The following CCDC102B variants were observed in gnomAD, a reference collection of about 807,000 sequenced individuals.
CCDC102B encodes the protein coiled-coil domain-containing protein 102B.
A neutral mutation model predicts 57.4 loss-of-function variants in CCDC102B; 75 were observed. That is an observed-to-expected ratio of 1.31 (90% confidence interval 1.08 to 1.58). The LOEUF (loss-of-function observed/expected upper bound fraction) is 1.58, where lower values mean the gene tolerates loss of function less well. CCDC102B is among the 40% of genes most tolerant of loss of function. The pLI is 0.00. For synonymous variants in CCDC102B, 206 were observed against 201.9 expected, an observed-to-expected ratio of 1.02 and a Z score of -0.17; for missense variants, 636 against 582.6, an observed-to-expected ratio of 1.09 and a Z score of -0.94.
intron 4 of CCDC102B, among the ~76,000 whole-genome samples, chr18:68,858,761 T>TAGGATC (rs2038599976): frequency 6.6e-6 from 1 of 152,100 alleles, no homozygotes; most frequent in African/African-American, 2.4e-5. Flanking sequence ...AAGGGAGAAA[T>TAGGATC]AGGATCACTA....
At chr18:68,911,614 T>A (rs565700795) in intron 6 of CCDC102B, among the ~76,000 whole-genome samples, 6 of 147,722 alleles carry the variant, frequency 4.1e-5, no homozygotes, top group Non-Finnish European at 7.5e-5. Flanking sequence ...TAGCCGGGCG[T>A]GGTGGCGGGC....
intron 2 of CCDC102B, among the ~76,000 whole-genome samples, chr18:68,751,410 A>G (rs1349954067): frequency 6.6e-6 from 1 of 152,224 alleles, no homozygotes; most frequent in Non-Finnish European, 1.5e-5. Context: ...TCTTGCACCA[A>G]GAAACACTAG....
chr18:68,747,241 C>A (rs1396145073), intron 2 of CCDC102B, among the ~76,000 whole-genome samples: 1 of 151,946 alleles, frequency 6.6e-6, no homozygotes, highest in Non-Finnish European at 1.5e-5. Context: ...TCTCTGCTCC[C>A]CTTCCCATCC....
rs1312937585 is a variant in CCDC102B, at chr18:68,922,454, A to G, written c.1263+25026A>G. Among the ~76,000 whole-genome samples, 3 of 152,178 alleles carry G rather than the reference A, an allele frequency of 2.0e-5. No homozygotes were observed. In the East Asian group the frequency reaches 5.8e-4, roughly 29 times the overall value. On this transcript the variant is annotated intron_variant, in intron 6 of 7. Coordinates refer to ENST00000360242, the MANE Select transcript of CCDC102B (RefSeq NM_024781.3). ...ATATTTGCAGATTCAATAGCCATGC[A>G]TACATAACTGAAGGCCAGTTGGGAG... is the stretch of plus-strand genomic sequence containing the variant.
intron 6 of CCDC102B, among the ~76,000 whole-genome samples, chr18:68,960,748 C>T (rs1039536549): frequency 6.6e-6 from 1 of 152,156 alleles, no homozygotes; most frequent in Non-Finnish European, 1.5e-5. Context: ...CTGTGAGCAC[C>T]AGCAGAGTTT....
intron 6 of CCDC102B, among the ~76,000 whole-genome samples, chr18:68,900,581 A>G (rs996352191): frequency 2.0e-5 from 3 of 152,132 alleles, no homozygotes; most frequent in African/African-American, 7.2e-5. Flanking sequence ...ATTTAAGTGT[A>G]TTAAAAATTA....
intron 5 of CCDC102B, among the ~76,000 whole-genome samples, chr18:68,878,903 G>C (rs535761607): frequency 6.6e-6 from 1 of 152,154 alleles, no homozygotes; most frequent in Non-Finnish European, 1.5e-5. Flanking sequence ...ACGGACCCTC[G>C]TGGTGAGTGT....
At chr18:68,823,743 G>A (rs551808867) in intron 1 of CCDC102B, among the ~76,000 whole-genome samples, 2 of 152,144 alleles carry the variant, frequency 1.3e-5, no homozygotes, top group African/African-American at 2.4e-5. Context: ...TTTAATAATG[G>A]CCATTCTAAC....
At chr18:68,734,522 C>T (rs1431274753) in intron 2 of CCDC102B, among the ~76,000 whole-genome samples, 1 of 152,074 alleles carries the variant, frequency 6.6e-6, no homozygotes, top group Non-Finnish European at 1.5e-5. Flanking sequence ...GTATTTAAAC[C>T]ACAAATACCA....
At chr18:69,016,043 T>A (rs1207568397) in intron 7 of CCDC102B, among the ~76,000 whole-genome samples, 1 of 145,530 alleles carries the variant, frequency 6.9e-6, no homozygotes, top group Admixed American at 6.8e-5. Context: ...TTTTTTTTTT[T>A]TAGTAGAGAC....
chr18:68,802,837 G>T (rs143601060), intron 1 of CCDC102B, among the ~76,000 whole-genome samples: 28 of 152,294 alleles, frequency 1.8e-4, no homozygotes, highest in African/African-American at 6.0e-4. Context: ...CCCATCTGCT[G>T]ATTCTTTTGA....
chr18:68,934,784 G>A (rs558747221), intron 6 of CCDC102B, among the ~76,000 whole-genome samples: 15 of 151,762 alleles, frequency 9.9e-5, no homozygotes, highest in African/African-American at 3.6e-4. Context: ...TTTATGTAAA[G>A]CTTTAAATGT....
chr18:68,931,857 T>A (rs2041684157), intron 6 of CCDC102B, among the ~76,000 whole-genome samples: 1 of 151,904 alleles, frequency 6.6e-6, no homozygotes, highest in African/African-American at 2.4e-5. Flanking sequence ...GGCTAAGAAA[T>A]GTAGTCTAGC....
At chr18:69,029,009 C>T (rs2052066277) in intron 7 of CCDC102B, among the ~76,000 whole-genome samples, 1 of 151,820 alleles carries the variant, frequency 6.6e-6, no homozygotes, top group Non-Finnish European at 1.5e-5. Context: ...ATTGGAACTC[C>T]AAGTTTTATG....
At chr18:68,842,009 G>T (rs1229963613) in intron 3 of CCDC102B, among the ~76,000 whole-genome samples, 5 of 152,072 alleles carry the variant, frequency 3.3e-5, no homozygotes, top group Non-Finnish European at 7.4e-5. Flanking sequence ...AAAGTGCTAG[G>T]ATTACAGGCG....
chr18:68,924,659 T>C (rs938104736), intron 6 of CCDC102B, among the ~76,000 whole-genome samples: 41 of 152,106 alleles, frequency 2.7e-4, no homozygotes, highest in Admixed American at 1.3e-3. Context: ...GAAGAATTTC[T>C]ATGTGAGGGG....
chr18:68,866,412 A>T (rs1239828978), intron 4 of CCDC102B: 1 of 152,476 alleles, frequency 6.6e-6, no homozygotes, highest in Non-Finnish European at 1.5e-5. Context: ...ATGATAGCAA[A>T]TCACATTTCT....
At chr18:68,931,069 C>G (rs1421447231) in intron 6 of CCDC102B, among the ~76,000 whole-genome samples, 1 of 151,502 alleles carries the variant, frequency 6.6e-6, no homozygotes. Context: ...TTAGACACCT[C>G]AAAATTTAAG....
At chr18:68,754,895 A>T (rs2033991863) in intron 2 of CCDC102B, 1 of 152,284 alleles carries the variant, frequency 6.6e-6, no homozygotes, top group African/African-American at 2.4e-5. Context: ...CAGGGAGAAG[A>T]TGGAAGTCAA....
Sources: allele counts gnomAD v4.1 joint callset (sites outside exome capture counted in the v4.1 genomes callset), GRCh38; gene constraint gnomAD v4.1.1; transcripts MANE v1.5; gene names NCBI Gene and HGNC (gene_info 2026-07-23, HGNC 2026-07-21).